Variants in ARNT2 observed in about 807,000 individuals in gnomAD.
ARNT2 encodes the protein aryl hydrocarbon receptor nuclear translocator 2, also known as ARNT protein 2.
Under a neutral mutation model 91.7 loss-of-function variants are expected in ARNT2, and 36 were observed. That is an observed-to-expected ratio of 0.39 (90% CI 0.30 to 0.52). The LOEUF (loss-of-function observed/expected upper bound fraction) is 0.52, where lower values mean the gene tolerates loss of function less well. ARNT2 is among the 20% of genes least tolerant of loss of function. ARNT2 has a pLI of 0.72. For missense variants in ARNT2, 775 were observed against 939.3 expected (o/e 0.83, Z 2.29); for synonymous variants, 365 against 347.1 (o/e 1.05, Z -0.57).
At chr15:80,453,106 T>G (rs1449892830) in intron 2 of ARNT2, among the ~76,000 whole-genome samples, 1 of 152,200 alleles carries the variant, frequency 6.6e-6, no homozygotes, top group African/African-American at 2.4e-5. Context: ...TGCACCACTG[T>G]GCTTTCCTTC....
chr15:80,421,535 T>C (rs1191550874), intron 1 of ARNT2, among the ~76,000 whole-genome samples: 1 of 152,136 alleles, frequency 6.6e-6, no homozygotes, highest in Non-Finnish European at 1.5e-5. Flanking sequence ...AGAAAGTCAT[T>C]TTTAACCTAT....
chr15:80,553,518 T>A (rs1898121529), intron 10 of ARNT2, among the ~76,000 whole-genome samples: 1 of 152,162 alleles, frequency 6.6e-6, no homozygotes, highest in Non-Finnish European at 1.5e-5. Flanking sequence ...CTTTGAGAAG[T>A]ACCATGATGT....
At chr15:80,590,317 G>A (rs1473944891) in intron 17 of ARNT2, among the ~76,000 whole-genome samples, 1 of 152,224 alleles carries the variant, frequency 6.6e-6, no homozygotes, top group East Asian at 1.9e-4. Context: ...GATTTTTGAT[G>A]TTCCTTAAAG....
At chr15:80,563,806 T>C (rs1297098858) in intron 12 of ARNT2, among the ~76,000 whole-genome samples, 1 of 152,204 alleles carries the variant, frequency 6.6e-6, no homozygotes, top group Non-Finnish European at 1.5e-5. Context: ...CTGTGTTCCA[T>C]GCATGTTAGC....
chr15:80,414,663 G>C (rs766101070), intron 1 of ARNT2, among the ~76,000 whole-genome samples: 1 of 152,158 alleles, frequency 6.6e-6, no homozygotes, highest in Non-Finnish European at 1.5e-5. Flanking sequence ...ATGAGGCATA[G>C]TCTGGAATCG....
intron 8 of ARNT2, among the ~76,000 whole-genome samples, chr15:80,540,357 G>A (rs1014551710): frequency 4.6e-5 from 7 of 152,172 alleles, no homozygotes; most frequent in Admixed American, 2.0e-4. Context: ...ATCTTAATGG[G>A]TGTGAAGAGG....
intron 1 of ARNT2, among the ~76,000 whole-genome samples, chr15:80,432,257 TGAATTAGAGGTAGAA>T (rs1363244852): frequency 1.3e-5 from 2 of 152,246 alleles, no homozygotes; most frequent in African/African-American, 4.8e-5. Flanking sequence ...TCAGGTCAGC[TGAATTAGAGGTAGAA>T]GATTTCTCGC....
chr15:80,483,142 T>A (rs543140171), intron 5 of ARNT2, among the ~76,000 whole-genome samples: 1 of 152,340 alleles, frequency 6.6e-6, no homozygotes, highest in South Asian at 2.1e-4. Context: ...TGCACTTGCA[T>A]CCATGAAGTG....
chr15:80,467,380 T>C (rs1484006992), intron 3 of ARNT2, among the ~76,000 whole-genome samples: 3 of 152,188 alleles, frequency 2.0e-5, no homozygotes, highest in African/African-American at 7.2e-5. Context: ...TAAGTAGGAA[T>C]GGCTATTGCC....
chr15:80,516,134 G>C (rs1897430383), intron 8 of ARNT2, among the ~76,000 whole-genome samples: 2 of 152,194 alleles, frequency 1.3e-5, no homozygotes, highest in South Asian at 4.1e-4. Context: ...GCCTCCCAAA[G>C]TGCTGGGATG....
intron 12 of ARNT2, among the ~76,000 whole-genome samples, chr15:80,567,759 G>A (rs4778818): frequency 0.8 from 122,046 of 152,186 alleles, 49,338 homozygotes; most frequent in East Asian, 0.99. Context: ...CCCCCTCAGG[G>A]CACAGTTACA....
chr15:80,522,852 T>G (rs1014762439), intron 8 of ARNT2, among the ~76,000 whole-genome samples: 4 of 150,244 alleles, frequency 2.7e-5, no homozygotes, highest in African/African-American at 9.9e-5. Context: ...ATTAAAAAAT[T>G]TTTTTCTACT....
At chr15:80,483,628 G>T (rs1896923457) in intron 5 of ARNT2, among the ~76,000 whole-genome samples, 1 of 152,232 alleles carries the variant, frequency 6.6e-6, no homozygotes, top group African/African-American at 2.4e-5. Flanking sequence ...CACCAAGTTT[G>T]CAGGTTCAGC....
chr15:80,420,454 T>C (rs1233823288), intron 1 of ARNT2, among the ~76,000 whole-genome samples: 2 of 152,144 alleles, frequency 1.3e-5, no homozygotes, highest in African/African-American at 4.8e-5. Flanking sequence ...ATGTTTAAGG[T>C]AGGCTAAGCT....
Position 80,533,389 on chromosome 15 carries a change from C to T in ARNT2, c.878-17810C>T, listed in dbSNP as rs1181858153. ...CTGGAGAGGCCACTGTGATGGATGA[C>T]GAGTTGGCAAATTTTAAAAGTCATG... is the stretch of plus-strand genomic sequence containing the variant. On this transcript the variant is annotated intron_variant, in intron 8 of 18. Transcript: ENST00000303329. Among the ~76,000 whole-genome samples the T allele has an allele frequency of 9.2e-5, 14 of 152,060 alleles. No homozygotes were observed. The East Asian group carries it at 1.9e-3, about 21-fold the overall frequency.
intron 2 of ARNT2, among the ~76,000 whole-genome samples, chr15:80,452,911 G>T (rs1479627985): frequency 6.6e-6 from 1 of 152,212 alleles, no homozygotes; most frequent in Non-Finnish European, 1.5e-5. Context: ...CCGAGCTGAT[G>T]ATTTGACTGG....
chr15:80,571,547 G>T (rs1476319984), intron 12 of ARNT2, among the ~76,000 whole-genome samples: 7 of 152,204 alleles, frequency 4.6e-5, no homozygotes, highest in Admixed American at 3.9e-4. Context: ...GGCCAAATGG[G>T]ATCCCTTGAT....
intron 5 of ARNT2, among the ~76,000 whole-genome samples, chr15:80,489,227 T>G (rs1324867737): frequency 6.6e-6 from 1 of 152,264 alleles, no homozygotes; most frequent in Non-Finnish European, 1.5e-5. Context: ...CATTTCCCTC[T>G]GAAATGTCAT....
At chr15:80,490,706 A>G (rs1400381192) in intron 5 of ARNT2, among the ~76,000 whole-genome samples, 1 of 152,250 alleles carries the variant, frequency 6.6e-6, no homozygotes, top group Non-Finnish European at 1.5e-5. Flanking sequence ...TTCACAGATG[A>G]AGGGGAAACC....
Sources: gnomAD v4.1 joint callset for allele counts (sites outside exome capture counted in the v4.1 genomes callset) on GRCh38, gnomAD v4.1.1 for gene constraint, MANE v1.5 for transcripts, NCBI Gene and HGNC (gene_info 2026-07-23, HGNC 2026-07-21) for gene names.